The following RORA variants were observed in gnomAD, a reference collection of about 807,000 sequenced individuals.
RORA encodes RAR related orphan receptor A.
In RORA, 7 loss-of-function variants were observed where a neutral mutation model predicts 69.5. The ratio of observed to expected loss-of-function variants is 0.10; its 90% CI spans 0.06 to 0.19. The LOEUF (loss-of-function observed/expected upper bound fraction) is 0.19, where lower values mean the gene tolerates loss of function less well. Among genes scored for constraint, RORA ranks in the 10% least tolerant of loss-of-function variants. RORA has a pLI of 1.00. For synonymous variants in RORA, 261 were observed against 240.8 expected (o/e 1.08, Z -0.78); for missense variants, 457 against 663.0 (o/e 0.69, Z 3.41).
chr15:60,962,554 AGTC>A (rs1375183759), intron 1 of RORA, among the ~76,000 whole-genome samples: 1 of 152,214 alleles, frequency 6.6e-6, no homozygotes, highest in African/African-American at 2.4e-5. Flanking sequence ...TTAGAGTTCT[AGTC>A]GAGGCTGGAC....
At chr15:60,982,709 C>A (rs967722310) in intron 1 of RORA, among the ~76,000 whole-genome samples, 5 of 152,178 alleles carry the variant, frequency 3.3e-5, no homozygotes, top group African/African-American at 7.2e-5. Flanking sequence ...TAAGACACCA[C>A]AGTTTTGCTT....
chr15:60,927,370 A>C (rs1385557431), intron 1 of RORA, among the ~76,000 whole-genome samples: 3 of 152,254 alleles, frequency 2.0e-5, no homozygotes, highest in East Asian at 1.9e-4. Flanking sequence ...CTTGGCAGTA[A>C]GTAGCTGATG....
In RORA at chr15:61,007,709, T is replaced by C. The variant is rs181550454; in HGVS notation, c.166+221344A>G. ...AAAATATATAACATTAGGCTAATGT[T>C]ATATAGGCTAATATTATATATTTTA... On this transcript the variant is annotated intron_variant, in intron 1 of 10. Transcript: ENST00000335670. Among the ~76,000 whole-genome samples the C allele has an allele frequency of 1.5e-3, 229 of 148,996 alleles. 1 individual carries two copies. Among genetic ancestry groups the C allele is most frequent in the Admixed American group, 3.0e-3 (45 of 14,902 alleles).
At chr15:61,100,272 C>T (rs1000881988) in intron 1 of RORA, among the ~76,000 whole-genome samples, 1 of 151,926 alleles carries the variant, frequency 6.6e-6, no homozygotes, top group African/African-American at 2.4e-5. Context: ...GCACGTGTCA[C>T]CAGGTCCAGC....
chr15:60,944,739 T>A (rs1892815665), intron 1 of RORA, among the ~76,000 whole-genome samples: 1 of 150,172 alleles, frequency 6.7e-6, no homozygotes, highest in South Asian at 2.1e-4. Flanking sequence ...AATTCCTGTC[T>A]GATGCTTCCC....
intron 2 of RORA, chr15:60,592,435 G>A (rs749312956): frequency 1.2e-5 from 17 of 1,421,244 alleles, no homozygotes; most frequent in Admixed American, 2.6e-5. Flanking sequence ...GCGGTGCGGA[G>A]AGCGCAGGGA....
At chr15:61,025,438 G>A (rs945409593) in intron 1 of RORA, among the ~76,000 whole-genome samples, 5 of 152,254 alleles carry the variant, frequency 3.3e-5, no homozygotes, top group African/African-American at 1.2e-4. Context: ...AAAGCAGCAG[G>A]GCAAACCCTG....
intron 3 of RORA, among the ~76,000 whole-genome samples, chr15:60,517,081 G>T (rs1215960697): frequency 7.0e-6 from 1 of 143,254 alleles, no homozygotes; most frequent in African/African-American, 2.8e-5. Context: ...GGGCCAATCA[G>T]ATTTTATTTT....
chr15:60,854,626 G>A (rs994109832), intron 1 of RORA, among the ~76,000 whole-genome samples: 1 of 152,178 alleles, frequency 6.6e-6, no homozygotes, highest in African/African-American at 2.4e-5. Context: ...TTAGCAACTT[G>A]TAGCACTTCA....
intron 1 of RORA, among the ~76,000 whole-genome samples, chr15:60,812,172 G>A (rs953451728): frequency 2.0e-5 from 3 of 152,122 alleles, no homozygotes; most frequent in Non-Finnish European, 2.9e-5. Context: ...CTATAAAATG[G>A]AAACAACAAT....
At chr15:61,104,993 G>GCCCCCCCCC (rs751911711) in intron 1 of RORA, among the ~76,000 whole-genome samples, 5 of 140,816 alleles carry the variant, frequency 3.6e-5, no homozygotes, top group African/African-American at 1.1e-4. Flanking sequence ...TGATCATGAG[G>GCCCCCCCCC]CGCCCCCCCC....
rs1000910425 is a variant in RORA, at chr15:60,686,224, G to A, written c.167-7538C>T. Among the ~76,000 whole-genome samples, 6 of 152,208 alleles carry A rather than the reference G, an allele frequency of 3.9e-5. No homozygotes were observed. The South Asian group carries it at 1.2e-3, about 32-fold the overall frequency. On this transcript the variant is annotated intron_variant, in intron 1 of 10. Transcript: ENST00000335670. ...AGTTCCAAGGACAAAGCCTCATTCC[G>A]GGTTCCCCAGCAAAGGCAACATAAA...
intron 2 of RORA, among the ~76,000 whole-genome samples, chr15:60,573,186 G>A (rs539299403): frequency 2.0e-5 from 3 of 152,264 alleles, no homozygotes; most frequent in East Asian, 3.9e-4. Flanking sequence ...TGATTGAACC[G>A]CGGCACCACA....
At chr15:61,110,629 T>C (rs1469694836) in intron 1 of RORA, among the ~76,000 whole-genome samples, 3 of 152,154 alleles carry the variant, frequency 2.0e-5, no homozygotes, top group Non-Finnish European at 2.9e-5. Context: ...ATGCCTGTTA[T>C]TGCCCTTGAA....
rs535313784 is a variant in RORA, at chr15:60,629,301, C to A, written c.196+49356G>T. Among the ~76,000 whole-genome samples the A allele has an allele frequency of 1.9e-3, 279 of 149,532 alleles. 1 individual carries two copies. The highest frequency in any genetic ancestry group is 6.6e-3 in the African/African-American group (264 of 40,274). On this transcript the variant is annotated intron_variant, in intron 2 of 10. Coordinates refer to ENST00000335670, the MANE Select transcript of RORA (RefSeq NM_134261.3). ...TCCTGGGTTCAAGCGATTCTCCTGC[C>A]TCAGTCTCCCAAGTAGCTGGGATTA...
chr15:60,805,751 C>T (rs1219843670), intron 1 of RORA, among the ~76,000 whole-genome samples: 2 of 152,204 alleles, frequency 1.3e-5, no homozygotes, highest in Non-Finnish European at 2.9e-5. Flanking sequence ...GATTCCAGTC[C>T]TGGTTTTGCC....
chr15:60,897,974 A>G (rs1367958584), intron 1 of RORA, among the ~76,000 whole-genome samples: 2 of 152,218 alleles, frequency 1.3e-5, no homozygotes, highest in African/African-American at 4.8e-5. Flanking sequence ...ACCTCCTTCT[A>G]AGTCTATCCA....
intron 1 of RORA, among the ~76,000 whole-genome samples, chr15:60,972,252 G>A (rs1460168991): frequency 6.6e-6 from 1 of 152,176 alleles, no homozygotes. Flanking sequence ...CAAGCCTGGT[G>A]AAAAAATAAT....
chr15:60,622,646 A>G (rs914761967), intron 2 of RORA, among the ~76,000 whole-genome samples: 1 of 152,206 alleles, frequency 6.6e-6, no homozygotes, highest in Non-Finnish European at 1.5e-5. Flanking sequence ...AGAAAGAAAT[A>G]CAATACCAAG....
Sources: allele counts gnomAD v4.1 joint callset (sites outside exome capture counted in the v4.1 genomes callset), GRCh38; gene constraint gnomAD v4.1.1; transcripts MANE v1.5; gene names NCBI Gene and HGNC (gene_info 2026-07-23, HGNC 2026-07-21).